The following GPR158 variants were observed in gnomAD, a reference collection of about 807,000 sequenced individuals.
The protein encoded by GPR158 is G protein-coupled receptor 158.
In GPR158, 30 loss-of-function variants were observed where a neutral mutation model predicts 78.2. The ratio of observed to expected loss-of-function variants is 0.38; its 90% CI spans 0.29 to 0.52. The LOEUF is 0.52. Ranked by LOEUF, GPR158 falls within the 20% of genes least tolerant of loss-of-function variation. GPR158 has a pLI of 0.83. For synonymous variants in GPR158, 581 were observed against 591.1 expected (o/e 0.98, Z 0.25); for missense variants, 1,463 against 1,523.5 (o/e 0.96, Z 0.66).
intron 2 of GPR158, among the ~76,000 whole-genome samples, chr10:25,264,512 C>T (rs1021284420): frequency 3.3e-5 from 5 of 152,270 alleles, no homozygotes; most frequent in South Asian, 4.1e-4. Flanking sequence ...TTACTCCCAA[C>T]CCAAATGTCA....
chr10:25,443,331 G>A (rs1008038097), intron 4 of GPR158, among the ~76,000 whole-genome samples: 1 of 151,952 alleles, frequency 6.6e-6, no homozygotes, highest in Non-Finnish European at 1.5e-5. Flanking sequence ...GAGGCGGACG[G>A]ATCACCTGAG....
chr10:25,479,064 G>C (rs539375369), intron 5 of GPR158, among the ~76,000 whole-genome samples: 1 of 152,112 alleles, frequency 6.6e-6, no homozygotes, highest in South Asian at 2.1e-4. Flanking sequence ...ATTTGGGTTG[G>C]TTCCAAGTCT....
chr10:25,379,673 TC>T, intron 2 of GPR158, among the ~76,000 whole-genome samples: 1 of 137,260 alleles, frequency 7.3e-6, no homozygotes, highest in Non-Finnish European at 1.6e-5. Context: ...TTTCTGTACT[TC>T]CCTTCTCTCT....
At chr10:25,300,080 C>G (rs1234706158) in intron 2 of GPR158, among the ~76,000 whole-genome samples, 2 of 152,172 alleles carry the variant, frequency 1.3e-5, no homozygotes, top group African/African-American at 4.8e-5. Context: ...TCTATTGCTG[C>G]TGCAACAAAT....
Position 25,199,025 on chromosome 10 carries a change from G to T in GPR158, c.903-22027G>T, listed in dbSNP as rs1005997732. 1.1e-4 allele frequency among the ~76,000 whole-genome samples: 15 copies of T among 130,854 alleles called. 1 individual carries two copies. The highest frequency in any genetic ancestry group is 2.3e-4 in the Non-Finnish European group (14 of 61,616). The allele number at this position is 130,854 out of a possible 152,430, so 85.8% of individuals were successfully genotyped here. A position where few individuals can be genotyped will look rare whatever the true frequency, so the allele number is the denominator to read the frequency against. ...CAGGTTGCCAATATTTAGAGAATTCGCTTTAAGTTTTAGAAATAATCATTT... is the reference window on the plus strand; with the variant it reads ...CAGGTTGCCAATATTTAGAGAATTCTCTTTAAGTTTTAGAAATAATCATTT... On this transcript the variant is annotated intron_variant, in intron 1 of 10. Transcript: ENST00000376351.
At chr10:25,486,665 C>A (rs1231872524) in intron 5 of GPR158, among the ~76,000 whole-genome samples, 1 of 152,108 alleles carries the variant, frequency 6.6e-6, no homozygotes, top group African/African-American at 2.4e-5. Context: ...TGCATTCTTA[C>A]AAAATTCCGG....
intron 2 of GPR158, among the ~76,000 whole-genome samples, chr10:25,293,168 G>T (rs1332297060): frequency 6.6e-6 from 1 of 152,178 alleles, no homozygotes; most frequent in African/African-American, 2.4e-5. Context: ...TTTATATGCT[G>T]CTGCCTTGAG....
At chr10:25,185,172 T>G (rs7906676) in intron 1 of GPR158, among the ~76,000 whole-genome samples, 4,961 of 152,280 alleles carry the variant, frequency 0.033, 293 homozygotes, top group African/African-American at 0.11. Flanking sequence ...ATACATAACG[T>G]ATAAAATGCT....
chr10:25,596,924 G>C (rs1837416434), intron 10 of GPR158, 135 bp downstream of exon 10: 1 of 712,332 alleles, frequency 1.4e-6, no homozygotes, highest in African/African-American at 1.8e-5. Flanking sequence ...AAGAGGGAAT[G>C]TGTTTGGGTA....
chr10:25,337,078 G>A (rs1234374396), intron 2 of GPR158, among the ~76,000 whole-genome samples: 1 of 152,046 alleles, frequency 6.6e-6, no homozygotes, highest in Non-Finnish European at 1.5e-5. Flanking sequence ...TCAAAATATA[G>A]CAGCATTTCA....
chr10:25,440,094 T>C (rs961921521), intron 4 of GPR158, among the ~76,000 whole-genome samples: 9 of 152,144 alleles, frequency 5.9e-5, no homozygotes, highest in Non-Finnish European at 1.2e-4. Flanking sequence ...TGTTGGTAGG[T>C]TTTATTGTTA....
At chr10:25,414,227 T>G (rs1834631043) in intron 4 of GPR158, among the ~76,000 whole-genome samples, 1 of 152,202 alleles carries the variant, frequency 6.6e-6, no homozygotes. Flanking sequence ...ACAAGACCAG[T>G]GTCTTAATGT....
intron 4 of GPR158, 39 bp downstream of exon 4, chr10:25,412,512 A>G: frequency 7.4e-7 from 1 of 1,346,896 alleles, no homozygotes. Flanking sequence ...TGTATTACAG[A>G]GCAACCTCTT....
intron 6 of GPR158, among the ~76,000 whole-genome samples, chr10:25,572,210 T>C (rs1300762219): frequency 6.6e-6 from 1 of 152,208 alleles, no homozygotes; most frequent in African/African-American, 2.4e-5. Context: ...AGACATCCCA[T>C]TGTATATGAA....
At chr10:25,419,084 T>G (rs985019129) in intron 4 of GPR158, among the ~76,000 whole-genome samples, 2 of 152,040 alleles carry the variant, frequency 1.3e-5, no homozygotes, top group Non-Finnish European at 2.9e-5. Context: ...TTAGTAAAAT[T>G]TTTATTGTTC....
chr10:25,540,734 T>C (rs1281686172), intron 5 of GPR158, among the ~76,000 whole-genome samples: 2 of 151,524 alleles, frequency 1.3e-5, no homozygotes, highest in East Asian at 3.9e-4. Flanking sequence ...TAGGTGGGAA[T>C]TGAACAATGA....
chr10:25,585,544 A>T (rs1837255703), intron 7 of GPR158, among the ~76,000 whole-genome samples: 1 of 152,230 alleles, frequency 6.6e-6, no homozygotes, highest in Admixed American at 6.5e-5. Context: ...GGTTATAATC[A>T]TTTCAGGAGG....
chr10:25,296,162 A>G (rs1343485787), intron 2 of GPR158, among the ~76,000 whole-genome samples: 1 of 151,630 alleles, frequency 6.6e-6, no homozygotes, highest in African/African-American at 2.4e-5. Context: ...ACTTACTCTC[A>G]CCTCGAGGCA....
At chr10:25,396,611 C>A (rs559106274) in intron 3 of GPR158, among the ~76,000 whole-genome samples, 1 of 151,972 alleles carries the variant, frequency 6.6e-6, no homozygotes, top group Non-Finnish European at 1.5e-5. Flanking sequence ...CCAGCCTGGA[C>A]AACATAGTGA....
Sources: gnomAD v4.1 joint callset for allele counts (sites outside exome capture counted in the v4.1 genomes callset) on GRCh38, gnomAD v4.1.1 for gene constraint, MANE v1.5 for transcripts, NCBI Gene and HGNC (gene_info 2026-07-23, HGNC 2026-07-21) for gene names.